The following WNT3A variants were observed in gnomAD, a reference collection of about 807,000 sequenced individuals.
WNT3A encodes the protein protein Wnt-3a.
WNT3A carries 17 observed loss-of-function variants against 37.0 expected under a neutral mutation model. The observed-to-expected ratio is 0.46, with a 90% CI of 0.31 to 0.69. The LOEUF (loss-of-function observed/expected upper bound fraction) is 0.69. WNT3A is among the 30% of genes least tolerant of loss of function. The probability of loss-of-function intolerance (pLI) is 0.05; values close to 1 mark genes in which losing one functional copy is unlikely to be tolerated. For synonymous variants in WNT3A, 187 were observed against 211.0 expected (o/e 0.89, Z 0.99); for missense variants, 411 against 510.2 (o/e 0.81, Z 1.87).
Position 228,059,210 on chromosome 1 carries a change from G to A in WNT3A, c.804G>A (p.Glu268=). The part of the protein sequence containing the change: ...PRYTYFKVPT[E]RDLVYYEASP... ...ACACCTACTTCAAGGTGCCCACGGA[G>A]CGCGACCTGGTCTACTACGAGGCCT... is the stretch of plus-strand genomic sequence containing the variant. The change falls in exon 4 of 4, where the codon GAG becomes GAA. Residue 268 remains glutamate, a synonymous_variant. Coordinates refer to ENST00000284523, the MANE Select transcript of WNT3A (RefSeq NM_033131.4). 1.9e-6 allele frequency: 3 copies of A among 1,611,806 alleles called. No homozygotes were observed. The highest frequency in any genetic ancestry group is 4.5e-5 in the East Asian group (2 of 44,856).
intron 2 of WNT3A, 150 bp downstream of exon 2, chr1:228,023,058 G>C: frequency 7.8e-7 from 1 of 1,290,034 alleles, no homozygotes; most frequent in East Asian, 2.5e-5. Context: ...CAGGAGGACG[G>C]TCTGGGGCTG....
intron 2 of WNT3A, among the ~76,000 whole-genome samples, chr1:228,027,769 T>C (rs2030888359): frequency 6.6e-6 from 1 of 152,380 alleles, no homozygotes; most frequent in Admixed American, 6.5e-5. Context: ...CAGAAGCTTT[T>C]TAATTCAATT....
intron 3 of WNT3A, among the ~76,000 whole-genome samples, chr1:228,053,136 C>A (rs1402204233): frequency 6.6e-6 from 1 of 152,192 alleles, no homozygotes; most frequent in African/African-American, 2.4e-5. Flanking sequence ...AGGGTGCCCT[C>A]TTGGAAGCAG....
chr1:228,009,658 C>T (rs2030313387), intron 1 of WNT3A, among the ~76,000 whole-genome samples: 2 of 152,204 alleles, frequency 1.3e-5, no homozygotes, highest in Non-Finnish European at 2.9e-5. Flanking sequence ...TCTCCCCCCT[C>T]CACCATCACC....
chr1:228,013,599 A>T (rs1000026843), intron 1 of WNT3A, among the ~76,000 whole-genome samples: 2 of 152,040 alleles, frequency 1.3e-5, no homozygotes, highest in Admixed American at 1.3e-4. Context: ...CTGGACTGGG[A>T]AGGGTTGCCG....
chr1:228,007,705 G>C lies in WNT3A; in HGVS notation c.71+506G>C, dbSNP rs889465546. ...GCAGCGTGGTTACGTAAAGAAAGCT[G>C]GGACCCGGCGGGGAGTGGCGCAGAG... On this transcript the variant is annotated intron_variant, in intron 1 of 3. Coordinates refer to ENST00000284523, the MANE Select transcript of WNT3A (RefSeq NM_033131.4). The surrounding 1 kb of genome is among the most constrained non-coding windows in gnomAD (Gnocchi z 6.0). 6.6e-6 allele frequency among the ~76,000 whole-genome samples: 1 copy of C among 152,136 alleles called. No individual in the cohort carries two copies. The highest frequency in any genetic ancestry group is 2.4e-5 in the African/African-American group (1 of 41,436).
At chr1:228,045,279 T>G (rs2031373924) in intron 2 of WNT3A, among the ~76,000 whole-genome samples, 1 of 152,078 alleles carries the variant, frequency 6.6e-6, no homozygotes, top group Admixed American at 6.5e-5. Flanking sequence ...GGAGACAGAC[T>G]CTTGTAGTAG....
At chr1:228,043,950 C>T (rs532697925) in intron 2 of WNT3A, among the ~76,000 whole-genome samples, 1 of 152,182 alleles carries the variant, frequency 6.6e-6, no homozygotes, top group Non-Finnish European at 1.5e-5. Context: ...TGCATGGTTT[C>T]AGGACATTTT....
In WNT3A at chr1:228,007,246, C is replaced by T. The variant is rs1292125125; in HGVS notation, c.71+47C>T. 1.9e-5 allele frequency: 30 copies of T among 1,560,140 alleles called. No homozygotes were observed. The highest frequency in any genetic ancestry group is 2.5e-5 in the Non-Finnish European group (29 of 1,150,022). On this transcript the variant is annotated intron_variant, in intron 1 of 3. Transcript: ENST00000284523. The surrounding 1 kb of genome is among the most constrained non-coding windows in gnomAD (Gnocchi z 6.0). ...CGCCCCTGCCCCTGTGCGCCGCGCC[C>T]GCAGCAGACGGTCCCCTCGGGCAGG...
rs2031181861 is a variant in WNT3A at position 228,037,852 on chromosome 1, G to C, written c.314-12804G>C. 6.6e-6 allele frequency among the ~76,000 whole-genome samples: 1 copy of C among 152,248 alleles called. No homozygotes were observed. ...GCGGGCGGTTCACACGCCCTTCGCGGTGCTGAATTAAAGCGTCTGAATGGG... is the reference window on the plus strand; with the variant it reads ...GCGGGCGGTTCACACGCCCTTCGCGCTGCTGAATTAAAGCGTCTGAATGGG... On this transcript the variant is annotated intron_variant, in intron 2 of 3. Transcript: ENST00000284523. The surrounding 1 kb of genome is among the most constrained non-coding windows in gnomAD (Gnocchi z 4.1).
chr1:228,016,943 G>T (rs2030550855), intron 1 of WNT3A, among the ~76,000 whole-genome samples: 1 of 152,178 alleles, frequency 6.6e-6, no homozygotes, highest in Admixed American at 6.5e-5. Context: ...AGACCTAAAT[G>T]GGTGGGGCCC....
At position 228,060,146 on chromosome 1, in the gene WNT3A, G is replaced by A; in HGVS notation, c.*681G>A. On this transcript the variant is annotated 3_prime_UTR_variant, in exon 4 of 4. Coordinates refer to ENST00000284523, the MANE Select transcript of WNT3A (RefSeq NM_033131.4). ...CTCCAATGGGGCGGGGCTTCTCTCC[G>A]CGGGTGGGACTCTTCCCTGGGAACC... 1.5e-6 allele frequency: 2 copies of A among 1,345,408 alleles called. No homozygotes were observed. The highest frequency in any genetic ancestry group is 4.6e-5 in the East Asian group (1 of 21,788). The allele number at this position is 1,345,408 out of a possible 1,614,324, so 83.3% of individuals were successfully genotyped here.
At position 228,038,468 on chromosome 1, in the gene WNT3A, A is replaced by G. The variant is rs1031768578; in HGVS notation, c.314-12188A>G. On this transcript the variant is annotated intron_variant, in intron 2 of 3. Transcript: ENST00000284523. This position sits in a 1 kb window ranked among gnomAD's most constrained non-coding sequence, Gnocchi z 5.7. ...CTTTGCTTGTCCTTTTTCAGGGGCG[A>G]TGGTCCCCAGATGACATGACATTTG... Among the ~76,000 whole-genome samples, 1 of 152,146 alleles carries G rather than the reference A, an allele frequency of 6.6e-6. No individual in the cohort carries two copies. Among genetic ancestry groups the G allele is most frequent in the Non-Finnish European group, 1.5e-5 (1 of 68,012 alleles).
In WNT3A at chr1:228,007,324, C is replaced by A; in HGVS notation, c.71+125C>A. 1 of 949,626 alleles carries A rather than the reference C, an allele frequency of 1.1e-6. No homozygotes were observed. Among genetic ancestry groups the A allele is most frequent in the Non-Finnish European group, 1.5e-6 (1 of 683,802 alleles). 58.8% of individuals were successfully genotyped at this position (949,626 alleles called of 1,614,324 possible). A position where few individuals can be genotyped will look rare whatever the true frequency, so the allele number is the denominator to read the frequency against. The stretch of plus-strand genomic sequence containing the variant: ...CTTCTGCTCCAGCCCCGCGTGCGGG[C>A]CGCGGGCGGTTGGTTTTCCTTGACG... On this transcript the variant is annotated intron_variant, in intron 1 of 3. Transcript: ENST00000284523. This position sits in a 1 kb window ranked among gnomAD's most constrained non-coding sequence, Gnocchi z 6.0.
At chr1:228,043,526 C>G (rs901392291) in intron 2 of WNT3A, among the ~76,000 whole-genome samples, 1 of 152,206 alleles carries the variant, frequency 6.6e-6, no homozygotes, top group Non-Finnish European at 1.5e-5. Flanking sequence ...AAGATGCCTC[C>G]GTTTCACCCC....
rs572206383 is a variant in WNT3A, at chr1:228,061,122, C to T, written c.*1657C>T. 6.5e-6 allele frequency: 1 copy of T among 152,700 alleles called. No individual in the cohort carries two copies. 9.5% of individuals were successfully genotyped at this position (152,700 alleles called of 1,614,324 possible). ...CTGCCACTGTGAACCGGCTCCCACC[C>T]TCAAGGTGCGGGGAGAAGAAGCGGC... On this transcript the variant is annotated 3_prime_UTR_variant, in exon 4 of 4. Transcript: ENST00000284523.
At chr1:228,016,241 G>A (rs530765239) in intron 1 of WNT3A, among the ~76,000 whole-genome samples, 2 of 152,264 alleles carry the variant, frequency 1.3e-5, no homozygotes, top group African/African-American at 4.8e-5. Flanking sequence ...GGGCCATGGA[G>A]CAAGTTTAGA....
Position 228,038,731 on chromosome 1 carries a change from G to A in WNT3A, c.314-11925G>A, listed in dbSNP as rs1360428820. 6.6e-6 allele frequency among the ~76,000 whole-genome samples: 1 copy of A among 152,146 alleles called. No individual in the cohort carries two copies. Among genetic ancestry groups the A allele is most frequent in the Non-Finnish European group, 1.5e-5 (1 of 68,004 alleles). On this transcript the variant is annotated intron_variant, in intron 2 of 3. Transcript: ENST00000284523. The surrounding 1 kb of genome is among the most constrained non-coding windows in gnomAD (Gnocchi z 5.7). ...TAATCATACAGGGTGCAGCGTGCAC[G>A]GGGGGCTGTGTTCGCTGTGACCCTC...
intron 1 of WNT3A, among the ~76,000 whole-genome samples, chr1:228,022,329 G>C (rs980793838): frequency 6.6e-6 from 1 of 152,062 alleles, no homozygotes; most frequent in African/African-American, 2.4e-5. Flanking sequence ...GGCTCTGGTG[G>C]TGTGTGCCTG....
Sources: gnomAD v4.1 joint callset for allele counts (sites outside exome capture counted in the v4.1 genomes callset) on GRCh38, gnomAD v4.1.1 for gene constraint, Gnocchi (gnomAD v3.1) non-coding constraint, MANE v1.5 for transcripts, NCBI Gene and HGNC (gene_info 2026-07-23, HGNC 2026-07-21) for gene names.